Variants in CNTN4 observed in about 807,000 individuals in gnomAD.
The protein encoded by CNTN4 is contactin-4.
CNTN4 carries 77 observed loss-of-function variants against 122.5 expected under a neutral mutation model. The ratio of observed to expected loss-of-function variants is 0.63; its 90% CI spans 0.52 to 0.76. The LOEUF is 0.76. Ranked by LOEUF, CNTN4 falls within the 30% of genes least tolerant of loss-of-function variation. The pLI is 0.00. For synonymous variants in CNTN4, 512 were observed against 447.0 expected, an observed-to-expected ratio of 1.15 and a Z score of -1.83; for missense variants, 1,256 against 1,259.1, an observed-to-expected ratio of 1.00 and a Z score of 0.04.
rs202038812 is a variant in CNTN4, at chr3:3,019,887, CT to C, written c.1487-6214del. ...ATAAGCAAATACAGTAAAATATTAG[CT>C]ACTGAGGAGTGTATATGAAGGTGAA... On this transcript the variant is annotated intron_variant, in intron 14 of 24. Transcript: ENST00000418658. Among the ~76,000 whole-genome samples the C allele has an allele frequency of 5.9e-3, 879 of 149,820 alleles. 8 individuals are homozygous for C. The highest frequency in any genetic ancestry group is 0.02 in the African/African-American group (820 of 40,764).
At chr3:2,496,545 T>A (rs1204357453) in intron 3 of CNTN4, among the ~76,000 whole-genome samples, 1 of 152,186 alleles carries the variant, frequency 6.6e-6, no homozygotes, top group East Asian at 1.9e-4. Context: ...CCTACCCAGT[T>A]ACTTTCACGC....
chr3:2,481,325 G>A (rs1366795611), intron 3 of CNTN4, among the ~76,000 whole-genome samples: 1 of 151,900 alleles, frequency 6.6e-6, no homozygotes, highest in East Asian at 1.9e-4. Flanking sequence ...ATTTTTAGTA[G>A]AGATGTGGTT....
chr3:2,444,956 C>A (rs2048566215), intron 3 of CNTN4, among the ~76,000 whole-genome samples: 1 of 151,830 alleles, frequency 6.6e-6, no homozygotes, highest in South Asian at 2.1e-4. Flanking sequence ...TCCTACCTCA[C>A]ATGCCTGAAA....
chr3:2,831,944 T>A (rs1311762728), intron 7 of CNTN4, among the ~76,000 whole-genome samples: 1 of 152,200 alleles, frequency 6.6e-6, no homozygotes, highest in Non-Finnish European at 1.5e-5. Flanking sequence ...AAAGGACTTT[T>A]AAAAACAAAA....
chr3:2,947,149 C>A (rs2094687439), intron 13 of CNTN4, among the ~76,000 whole-genome samples: 1 of 152,166 alleles, frequency 6.6e-6, no homozygotes, highest in African/African-American at 2.4e-5. Flanking sequence ...ATTGTTTTCG[C>A]ATTGTAGTTT....
At chr3:2,792,323 A>G (rs900571840) in intron 6 of CNTN4, among the ~76,000 whole-genome samples, 3 of 152,286 alleles carry the variant, frequency 2.0e-5, no homozygotes, top group Admixed American at 2.0e-4. Context: ...CTACACAACA[A>G]TCTTCGTGAT....
intron 3 of CNTN4, among the ~76,000 whole-genome samples, chr3:2,381,136 G>A (rs2046003706): frequency 6.6e-6 from 1 of 151,898 alleles, no homozygotes; most frequent in Admixed American, 6.6e-5. Context: ...CTCCTGAGTA[G>A]CTGGGACTAC....
At chr3:2,987,284 T>A (rs2125274037) in intron 13 of CNTN4, among the ~76,000 whole-genome samples, 1 of 152,320 alleles carries the variant, frequency 6.6e-6, no homozygotes, top group Middle Eastern at 3.4e-3. Context: ...GGCTTCATAA[T>A]AAGGCTCCAG....
intron 3 of CNTN4, among the ~76,000 whole-genome samples, chr3:2,347,975 A>G (rs568500984): frequency 1.3e-5 from 2 of 151,726 alleles, no homozygotes; most frequent in East Asian, 3.9e-4. Flanking sequence ...TATTGTTTAT[A>G]CTGTATGTTT....
At chr3:2,321,582 A>G (rs1488891514) in intron 2 of CNTN4, among the ~76,000 whole-genome samples, 1 of 151,014 alleles carries the variant, frequency 6.6e-6, no homozygotes, top group Non-Finnish European at 1.5e-5. Flanking sequence ...CTATTATTTT[A>G]TTATTTTTTC....
At chr3:2,623,529 A>G (rs2082070851) in intron 4 of CNTN4, among the ~76,000 whole-genome samples, 1 of 152,192 alleles carries the variant, frequency 6.6e-6, no homozygotes, top group Non-Finnish European at 1.5e-5. Context: ...AGGTAAACAT[A>G]AATCAGGTTT....
intron 2 of CNTN4, among the ~76,000 whole-genome samples, chr3:2,102,365 T>G (rs2032048228): frequency 1.3e-5 from 2 of 152,196 alleles, no homozygotes; most frequent in South Asian, 2.1e-4. Flanking sequence ...GGTATAAAAT[T>G]GGGATAACAT....
chr3:2,834,507 C>T (rs1208992420), intron 7 of CNTN4, among the ~76,000 whole-genome samples: 2 of 151,988 alleles, frequency 1.3e-5, no homozygotes, highest in Non-Finnish European at 2.9e-5. Flanking sequence ...GCGAAGTTTG[C>T]AGTGAGCCAA....
chr3:2,390,259 G>T lies in CNTN4; in HGVS notation c.-89+51026G>T, dbSNP rs145759597. Among the ~76,000 whole-genome samples, 87 of 143,454 alleles carry T rather than the reference G, an allele frequency of 6.1e-4. 2 individuals are homozygous for T. In the East Asian group the frequency reaches 0.016, roughly 26 times the overall value. The allele number at this position is 143,454 out of a possible 152,430, so 94.1% of individuals were successfully genotyped here. On this transcript the variant is annotated intron_variant, in intron 3 of 24. Coordinates refer to ENST00000418658, the MANE Select transcript of CNTN4 (RefSeq NM_175607.3). The stretch of plus-strand genomic sequence containing the variant: ...GTGTGTGTGTGTGTGTGTACAGAGG[G>T]CATAGAAATTATAGAGGAAATGTAG...
At chr3:2,120,268 G>A (rs1559260362) in intron 2 of CNTN4, among the ~76,000 whole-genome samples, 1 of 148,612 alleles carries the variant, frequency 6.7e-6, no homozygotes, top group African/African-American at 2.5e-5. Flanking sequence ...TATGATAAAG[G>A]AGAAACATTA....
intron 3 of CNTN4, among the ~76,000 whole-genome samples, chr3:2,370,311 C>T (rs1167366729): frequency 2.0e-5 from 3 of 152,066 alleles, no homozygotes; most frequent in Non-Finnish European, 4.4e-5. Flanking sequence ...AAAAAAACCT[C>T]AGTAATGATA....
At chr3:2,474,029 T>C (rs980156266) in intron 3 of CNTN4, among the ~76,000 whole-genome samples, 8 of 147,710 alleles carry the variant, frequency 5.4e-5, no homozygotes, top group African/African-American at 1.7e-4. Flanking sequence ...AAAAAAAAAA[T>C]ATTGCCAAGT....
intron 4 of CNTN4, among the ~76,000 whole-genome samples, chr3:2,732,878 T>G (rs1403766630): frequency 6.6e-6 from 1 of 152,182 alleles, no homozygotes; most frequent in African/African-American, 2.4e-5. Context: ...TGGATTTCCT[T>G]CGATGAGAAC....
intron 2 of CNTN4, among the ~76,000 whole-genome samples, chr3:2,129,103 A>G (rs1337232928): frequency 1.3e-5 from 2 of 152,122 alleles, no homozygotes; most frequent in East Asian, 1.9e-4. Flanking sequence ...CAAATCAACT[A>G]TTTAGGAAAA....
Sources: gnomAD v4.1 joint callset for allele counts (sites outside exome capture counted in the v4.1 genomes callset) on GRCh38, gnomAD v4.1.1 for gene constraint, MANE v1.5 for transcripts, NCBI Gene and HGNC (gene_info 2026-07-23, HGNC 2026-07-21) for gene names.